RBM19: variants seen among roughly 807,000 people sequenced by gnomAD.
RBM19 encodes the protein RNA binding motif protein 19.
A neutral mutation model predicts 116.8 loss-of-function variants in RBM19; 94 were observed. The ratio of observed to expected loss-of-function variants is 0.80; its 90% CI spans 0.68 to 0.95. RBM19 has a LOEUF of 0.95. Among genes scored for constraint, RBM19 ranks in the 40% least tolerant of loss-of-function variants. The probability of loss-of-function intolerance (pLI) is 0.00; values close to 1 mark genes in which losing one functional copy is unlikely to be tolerated. For missense variants in RBM19, 1,161 were observed against 1,220.7 expected (o/e 0.95, Z 0.73); for synonymous variants, 475 against 494.1 (o/e 0.96, Z 0.51).
intron 21 of RBM19, among the ~76,000 whole-genome samples, chr12:113,899,399 C>A (rs1434448929): frequency 6.6e-6 from 1 of 152,214 alleles, no homozygotes; most frequent in Non-Finnish European, 1.5e-5. Context: ...GACCTTGTAT[C>A]TTACAGCAAA....
At chr12:113,828,692 G>T (rs564598061) in intron 23 of RBM19, among the ~76,000 whole-genome samples, 3 of 152,162 alleles carry the variant, frequency 2.0e-5, no homozygotes, top group Non-Finnish European at 4.4e-5. Context: ...GGTACCGCAG[G>T]GGGGCTGGGC....
At chr12:113,832,409 C>G (rs903192819) in intron 23 of RBM19, among the ~76,000 whole-genome samples, 1 of 152,124 alleles carries the variant, frequency 6.6e-6, no homozygotes, top group South Asian at 2.1e-4. Context: ...AGGCTGCTCT[C>G]GAACTCCTGG....
chr12:113,939,105 C>A (rs564917707), intron 15 of RBM19, among the ~76,000 whole-genome samples: 1 of 152,238 alleles, frequency 6.6e-6, no homozygotes, highest in East Asian at 1.9e-4. Flanking sequence ...ATCAAGAATG[C>A]TCATTCTTGG....
chr12:113,820,778 C>T (rs2135670700), downstream of RBM19, among the ~76,000 whole-genome samples: 1 of 152,278 alleles, frequency 6.6e-6, no homozygotes, highest in Admixed American at 6.5e-5. Flanking sequence ...AGGGGCCAGG[C>T]TCAGTATATG....
At chr12:113,958,777 C>T (rs1476552523) in intron 5 of RBM19, among the ~76,000 whole-genome samples, 1 of 152,110 alleles carries the variant, frequency 6.6e-6, no homozygotes, top group Non-Finnish European at 1.5e-5. Context: ...AGGACAAAGG[C>T]TCACTCCCTC....
At chr12:113,912,172 G>A (rs1333051613) in intron 21 of RBM19, among the ~76,000 whole-genome samples, 2 of 152,162 alleles carry the variant, frequency 1.3e-5, no homozygotes. Context: ...CTCGGGCTAG[G>A]AGGCTGCCTT....
chr12:113,841,126 A>C (rs1202294997), intron 23 of RBM19, among the ~76,000 whole-genome samples: 2 of 152,114 alleles, frequency 1.3e-5, no homozygotes, highest in Non-Finnish European at 2.9e-5. Flanking sequence ...TGGCTCTGAC[A>C]CTCAAGCCCG....
At chr12:113,959,936 C>T (rs751214321) in intron 3 of RBM19, 33 bp from the exon 4 acceptor site, 1 of 1,614,106 alleles carries the variant, frequency 6.2e-7, no homozygotes, top group East Asian at 2.2e-5. Flanking sequence ...GTGAGGGTCA[C>T]ACAGATGAAG....
chr12:113,857,702 G>A (rs1159811763), intron 22 of RBM19, among the ~76,000 whole-genome samples: 3 of 152,234 alleles, frequency 2.0e-5, no homozygotes, highest in African/African-American at 7.2e-5. Flanking sequence ...AAAGGTGGCT[G>A]GCGAGGCTCT....
In RBM19 at chr12:113,959,162, T is replaced by C. The variant is rs200832885; in HGVS notation, c.571+50A>G. 2.9e-5 allele frequency: 46 copies of C among 1,562,688 alleles called. No homozygotes were observed. In the Admixed American group the frequency reaches 7.1e-4, roughly 24 times the overall value. ...GGGCCCCCAGTGCCGGTTAGCCCAA[T>C]GGCAAGCACAGGTCCGTGCGCATGG... is the stretch of plus-strand genomic sequence containing the variant. On this transcript the variant is annotated intron_variant, in intron 5 of 23. Transcript: ENST00000261741.
intron 21 of RBM19, among the ~76,000 whole-genome samples, chr12:113,879,938 C>G (rs1879986208): frequency 6.6e-6 from 1 of 151,998 alleles, no homozygotes; most frequent in African/African-American, 2.4e-5. Flanking sequence ...CTGGTGCCTT[C>G]TTGCTTAGAA....
At chr12:113,881,879 A>T (rs1880158503) in intron 21 of RBM19, among the ~76,000 whole-genome samples, 1 of 152,252 alleles carries the variant, frequency 6.6e-6, no homozygotes, top group Non-Finnish European at 1.5e-5. Context: ...AGGCCCAGTT[A>T]TTCTGTGGGG....
At position 113,959,337 on chromosome 12, in the gene RBM19, C is replaced by A. The variant is rs1566044450; in HGVS notation, c.446G>T (p.Trp149Leu). Residue 149 changes from tryptophan to leucine, a missense_variant, in exon 5 of 24, where the codon TGG becomes TTG. By Grantham distance (61) the Trp-to-Leu change is moderately conservative (BLOSUM62 -2). Transcript: ENST00000261741. Reference sequence around the variant, plus strand: ...CTCAGCATCCAGGCCATCATTCGCCCAAGTGGCTGCCTGCGCCCGCCTCTG... The same window carrying A: ...CTCAGCATCCAGGCCATCATTCGCCAAAGTGGCTGCCTGCGCCCGCCTCTG... ...VHQRRAQAAT[W>L]ANDGLDAEPS... 1 of 1,613,658 alleles carries A rather than the reference C, an allele frequency of 6.2e-7. No homozygotes were observed.
chr12:113,956,706 A>G (rs939738081), intron 6 of RBM19, among the ~76,000 whole-genome samples: 8 of 152,046 alleles, frequency 5.3e-5, no homozygotes, highest in African/African-American at 1.9e-4. Context: ...GAGGACTCCC[A>G]GGTCAGAGAC....
chr12:113,934,700 G>A (rs1251518795), intron 16 of RBM19, among the ~76,000 whole-genome samples: 1 of 152,060 alleles, frequency 6.6e-6, no homozygotes, highest in African/African-American at 2.4e-5. Flanking sequence ...AAAATAAAGG[G>A]CCATTTGTGA....
chr12:113,881,924 T>G (rs1224196983), intron 21 of RBM19, among the ~76,000 whole-genome samples: 1 of 152,262 alleles, frequency 6.6e-6, no homozygotes, highest in Non-Finnish European at 1.5e-5. Flanking sequence ...ACGACCCACA[T>G]GCCCTCCACC....
intron 21 of RBM19, among the ~76,000 whole-genome samples, chr12:113,861,517 G>C (rs1208113683): frequency 2.6e-5 from 2 of 76,894 alleles, no homozygotes; most frequent in African/African-American, 9.8e-5. Context: ...TGTGTGTGAA[G>C]GAGAGAAGGG....
intron 4 of RBM19, 147 bp from the exon 5 acceptor site, chr12:113,959,551 C>G: frequency 1.0e-6 from 1 of 968,166 alleles, no homozygotes. Context: ...TGGAGGACCC[C>G]GAGGTTCAGC....
chr12:113,840,546 T>C (rs1233819165), intron 23 of RBM19, among the ~76,000 whole-genome samples: 1 of 152,208 alleles, frequency 6.6e-6, no homozygotes, highest in African/African-American at 2.4e-5. Context: ...TCCTGCTCCA[T>C]CCCCGGAAGG....
Sources: gnomAD v4.1 joint callset for allele counts (sites outside exome capture counted in the v4.1 genomes callset) on GRCh38, gnomAD v4.1.1 for gene constraint, MANE v1.5 for transcripts, NCBI Gene and HGNC (gene_info 2026-07-23, HGNC 2026-07-21) for gene names.